Variants in RPS6KB1 observed in about 807,000 individuals in gnomAD.
RPS6KB1 encodes the protein ribosomal protein S6 kinase B1, also known as ribosomal protein S6 kinase beta-1.
Under a neutral mutation model 70.2 loss-of-function variants are expected in RPS6KB1, and 12 were observed. The observed-to-expected ratio is 0.17, with a 90% CI of 0.11 to 0.28. The LOEUF (loss-of-function observed/expected upper bound fraction) is 0.28. RPS6KB1 is among the 10% of genes least tolerant of loss of function. The probability of loss-of-function intolerance (pLI) is 1.00; values close to 1 mark genes in which losing one functional copy is unlikely to be tolerated. For missense variants in RPS6KB1, 270 were observed against 646.6 expected (o/e 0.42, Z 6.32); for synonymous variants, 175 against 211.2 (o/e 0.83, Z 1.49).
chr17:59,910,048 A>G (rs1397247491), intron 1 of RPS6KB1, among the ~76,000 whole-genome samples: 1 of 151,780 alleles, frequency 6.6e-6, no homozygotes. Context: ...TTAGCCAAGC[A>G]TGGTGGTACA....
intron 4 of RPS6KB1, among the ~76,000 whole-genome samples, chr17:59,924,357 T>A (rs1467624621): frequency 2.6e-5 from 4 of 152,138 alleles, no homozygotes; most frequent in African/African-American, 4.8e-5. Flanking sequence ...CTCCTATATC[T>A]TTTTTCTCTT....
chr17:59,942,712 A>G (rs2145056865), intron 13 of RPS6KB1, among the ~76,000 whole-genome samples: 1 of 152,150 alleles, frequency 6.6e-6, no homozygotes, highest in East Asian at 1.9e-4. Context: ...ATGGGAAATA[A>G]GCTCTAAAGT....
chr17:59,926,970 T>C (rs1452296425), intron 5 of RPS6KB1, among the ~76,000 whole-genome samples: 1 of 152,214 alleles, frequency 6.6e-6, no homozygotes, highest in Non-Finnish European at 1.5e-5. Context: ...TTTAGTTTAA[T>C]GTAGCCTTAG....
At chr17:59,898,935 G>A (rs974459499) in intron 1 of RPS6KB1, among the ~76,000 whole-genome samples, 17 of 149,866 alleles carry the variant, frequency 1.1e-4, no homozygotes, top group African/African-American at 4.2e-4. Flanking sequence ...AGGCGGGGTG[G>A]CTCATGCCTG....
At chr17:59,904,936 C>CT (rs1482197875) in intron 1 of RPS6KB1, among the ~76,000 whole-genome samples, 1 of 151,810 alleles carries the variant, frequency 6.6e-6, no homozygotes, top group Non-Finnish European at 1.5e-5. Flanking sequence ...ACCTTGTGAT[C>CT]TGTCTGTCTC....
chr17:59,936,155 G>GA, intron 10 of RPS6KB1, 60 bp from the exon 11 acceptor site: 1 of 1,488,706 alleles, frequency 6.7e-7, no homozygotes, highest in Non-Finnish European at 9.2e-7. Context: ...AGTCTAAAAA[G>GA]GAAAAAAAAA....
Position 59,947,424 on chromosome 17 carries a change from C to G in RPS6KB1, c.*636C>G. 2 of 1,281,254 alleles carry G rather than the reference C, an allele frequency of 1.6e-6. No homozygotes were observed. The highest frequency in any genetic ancestry group is 6.1e-5 in the South Asian group (2 of 32,570). 79.4% of individuals were successfully genotyped at this position (1,281,254 alleles called of 1,614,324 possible). On this transcript the variant is annotated 3_prime_UTR_variant, in exon 15 of 15. Coordinates refer to ENST00000225577, the MANE Select transcript of RPS6KB1 (RefSeq NM_003161.4). Reference sequence around the variant, plus strand: ...AAGCCAGACAACTTCTGTTTCTTCTCTTGGTGAAATAATAAAATGCAAATG... The same window carrying G: ...AAGCCAGACAACTTCTGTTTCTTCTGTTGGTGAAATAATAAAATGCAAATG...
chr17:59,933,861 C>CT (rs1246666559), intron 7 of RPS6KB1, among the ~76,000 whole-genome samples: 3 of 152,098 alleles, frequency 2.0e-5, no homozygotes, highest in Admixed American at 2.0e-4. Context: ...CAGGATTTTT[C>CT]TTTTTCAGGA....
intron 3 of RPS6KB1, among the ~76,000 whole-genome samples, chr17:59,914,133 T>C (rs2042807854): frequency 1.3e-5 from 2 of 152,260 alleles, no homozygotes; most frequent in Admixed American, 6.5e-5. Context: ...CAAACTATTT[T>C]AAGTAATAGG....
Position 59,903,704 on chromosome 17 carries a change from A to G in RPS6KB1, c.142-6858A>G, listed in dbSNP as rs2042098495. Among the ~76,000 whole-genome samples, 6 of 152,092 alleles carry G rather than the reference A, an allele frequency of 3.9e-5. No homozygotes were observed. In the South Asian group the frequency reaches 1.2e-3, roughly 32 times the overall value. On this transcript the variant is annotated intron_variant, in intron 1 of 14. Transcript: ENST00000225577. Reference sequence around the variant, plus strand: ...TTCCAGTTTCTCTCATCCTCCCCCAACTTACTTTTCCTCTTTATCATCTAT... The same window carrying G: ...TTCCAGTTTCTCTCATCCTCCCCCAGCTTACTTTTCCTCTTTATCATCTAT...
chr17:59,920,682 A>G (rs986318052), intron 4 of RPS6KB1, among the ~76,000 whole-genome samples: 2 of 152,208 alleles, frequency 1.3e-5, no homozygotes, highest in Non-Finnish European at 2.9e-5. Flanking sequence ...CAGAAATGTG[A>G]AAAGAAGTAC....
At chr17:59,900,944 T>A (rs1376365055) in intron 1 of RPS6KB1, among the ~76,000 whole-genome samples, 1 of 151,162 alleles carries the variant, frequency 6.6e-6, no homozygotes, top group Non-Finnish European at 1.5e-5. Flanking sequence ...GATGGATCAC[T>A]TGAAGTTGGG....
At position 59,898,415 on chromosome 17, in the gene RPS6KB1, C is replaced by T. The variant is rs531127043; in HGVS notation, c.141+5090C>T. ...AGAAAAAATATCAATACTTATCTTG[C>T]TTTGTAATATATACTTACTATAAAG... On this transcript the variant is annotated intron_variant, in intron 1 of 14. Transcript: ENST00000225577. Among the ~76,000 whole-genome samples the T allele has an allele frequency of 2.0e-5, 3 of 152,104 alleles. No individual in the cohort carries two copies. The South Asian group carries it at 6.2e-4, about 32-fold the overall frequency.
intron 4 of RPS6KB1, among the ~76,000 whole-genome samples, chr17:59,918,073 A>G (rs1286095614): frequency 6.6e-6 from 1 of 151,982 alleles, no homozygotes; most frequent in Non-Finnish European, 1.5e-5. Flanking sequence ...AGCTGGGATT[A>G]CAGGCATGTG....
chr17:59,918,242 AT>A (rs1047619691), intron 4 of RPS6KB1, among the ~76,000 whole-genome samples: 11 of 150,996 alleles, frequency 7.3e-5, no homozygotes, highest in Non-Finnish European at 1.0e-4. Context: ...ATTTGACTAA[AT>A]TTTTTTTTAA....
chr17:59,918,820 C>G (rs949020326), intron 4 of RPS6KB1, among the ~76,000 whole-genome samples: 7 of 147,246 alleles, frequency 4.8e-5, no homozygotes, highest in East Asian at 2.0e-4. Flanking sequence ...GTGTCATTCA[C>G]TGATTATTCT....
chr17:59,930,052 C>T (rs933845016), intron 5 of RPS6KB1, 65 bp from the exon 6 acceptor site: 3 of 851,256 alleles, frequency 3.5e-6, no homozygotes, highest in African/African-American at 1.7e-5. Flanking sequence ...CACAAACTCT[C>T]TCATTAGAAG....
In RPS6KB1 at chr17:59,946,779, G is replaced by C. The variant is rs1463062966; in HGVS notation, c.1569G>C (p.Met523Ile). 1 of 1,614,134 alleles carries C rather than the reference G, an allele frequency of 6.2e-7. No homozygotes were observed. Among genetic ancestry groups the C allele is most frequent in the East Asian group, 2.2e-5 (1 of 44,882 alleles). Residue 523 changes from methionine to isoleucine, a missense_variant, in exon 15 of 15, where the codon ATG becomes ATC. Physicochemically the swap from Met to Ile is conservative, Grantham distance 10. Transcript: ENST00000225577. The surrounding 1 kb of genome is among the most constrained non-coding windows in gnomAD (Gnocchi z 4.2). ...CCAAACGGCCAGAGCACCTGCGTAT[G>C]AATCTATGACAGAGCAATGCTTTTA... Reference protein sequence around the residue: ...MISKRPEHLRMNL With the variant: ...MISKRPEHLRINL
intron 4 of RPS6KB1, among the ~76,000 whole-genome samples, chr17:59,916,266 A>G (rs1026198903): frequency 6.6e-6 from 1 of 151,448 alleles, no homozygotes; most frequent in African/African-American, 2.4e-5. Flanking sequence ...ACACCCGGCT[A>G]ATTTTTGTAT....
Sources: gnomAD v4.1 joint callset for allele counts (sites outside exome capture counted in the v4.1 genomes callset) on GRCh38, gnomAD v4.1.1 for gene constraint, Gnocchi (gnomAD v3.1) non-coding constraint, MANE v1.5 for transcripts, NCBI Gene and HGNC (gene_info 2026-07-23, HGNC 2026-07-21) for gene names.